Variants in HLTF observed in about 807,000 individuals in gnomAD.
HLTF encodes DNA-dependent ATPase/E3 ubiquitin-protein ligase HLTF.
HLTF carries 127 observed loss-of-function variants against 129.4 expected under a neutral mutation model. The ratio of observed to expected loss-of-function variants is 0.98; its 90% confidence interval spans 0.85 to 1.14. The LOEUF is 1.14. Among genes scored for constraint, HLTF ranks in the 50% most tolerant of loss-of-function variants. The pLI, the probability that HLTF is intolerant of heterozygous loss-of-function variation, is 0.00. For synonymous variants in HLTF, 332 were observed against 388.8 expected (o/e 0.85, Z 1.72); for missense variants, 1,139 against 1,187.1 (o/e 0.96, Z 0.60).
At chr3:149,041,081 C>T (rs1716095253) in intron 20 of HLTF, among the ~76,000 whole-genome samples, 2 of 152,050 alleles carry the variant, frequency 1.3e-5, no homozygotes, top group African/African-American at 4.8e-5. Flanking sequence ...GTATACACCA[C>T]CACCAAATTC....
At chr3:149,057,654 A>C (rs1166375080) in intron 13 of HLTF, among the ~76,000 whole-genome samples, 1 of 152,198 alleles carries the variant, frequency 6.6e-6, no homozygotes, top group African/African-American at 2.4e-5. Context: ...TCTGTCTCTC[A>C]AAATACCTTA....
At chr3:149,079,373 T>TAAAAAAAAAAAAAAAAAAAAAAAAAA (rs71135659) in intron 2 of HLTF, among the ~76,000 whole-genome samples, 2 of 57,230 alleles carry the variant, frequency 3.5e-5, no homozygotes, top group African/African-American at 1.3e-4. Context: ...CGACAGTTTC[T>TAAAAAAAAAAAAAAAAAAAAAAAAAA]AAAAAAAAAA....
chr3:149,049,970 C>A (rs750964533), intron 15 of HLTF, among the ~76,000 whole-genome samples: 2 of 146,008 alleles, frequency 1.4e-5, no homozygotes, highest in African/African-American at 2.5e-5. Flanking sequence ...CCAGCCTGGG[C>A]AACAAGAGCA....
In HLTF at chr3:149,073,214, G is replaced by T; in HGVS notation, c.627+11C>A. 6.5e-7 allele frequency: 1 copy of T among 1,543,566 alleles called. No homozygotes were observed. Among genetic ancestry groups the T allele is most frequent in the Non-Finnish European group, 8.8e-7 (1 of 1,139,612 alleles). On this transcript the variant is annotated intron_variant, in intron 5 of 24. Transcript: ENST00000310053. ...TTCACTTTTAGATTACAAAATAAAA[G>T]AGAAGCACACCTGTTCAGTTGTCAT...
At chr3:149,055,195 T>C in intron 14 of HLTF, 108 bp downstream of exon 14, 1 of 701,064 alleles carries the variant, frequency 1.4e-6, no homozygotes, top group Admixed American at 2.9e-5. Flanking sequence ...AGATACGAAC[T>C]GATGACCAAG....
chr3:149,085,421 G>A (rs562849717), intron 1 of HLTF, among the ~76,000 whole-genome samples: 14 of 152,270 alleles, frequency 9.2e-5, no homozygotes, highest in East Asian at 3.9e-4. Context: ...CCCGGGAGGC[G>A]TAGGTTGCAG....
chr3:149,069,748 T>C (rs553158794), intron 7 of HLTF, among the ~76,000 whole-genome samples: 1 of 152,318 alleles, frequency 6.6e-6, no homozygotes, highest in South Asian at 2.1e-4. Flanking sequence ...AAAGATACTT[T>C]CTAGAAAATG....
chr3:149,039,633 A>T lies in HLTF; in HGVS notation c.2563T>A (p.Leu855Met), dbSNP rs751394762. Residue 855 changes from leucine (L) to methionine (M), a missense_variant, in exon 22 of 25, where the codon TTG (leucine) becomes ATG (methionine). Leu to Met is a conservative substitution (Grantham distance 15). Transcript: ENST00000310053. ...LRKKNPNIKS[L>M]VVSQFTTFLS... is the part of the protein sequence containing the mutation. ...AATGTTGTAAACTGAGAAACAACCA[A>T]ACTTTTTATGTTGGGATTCTTCTTT... 1.9e-6 allele frequency: 3 copies of T among 1,608,264 alleles called. No homozygotes were observed. Among genetic ancestry groups the T allele is most frequent in the Non-Finnish European group, 2.5e-6 (3 of 1,177,248 alleles).
chr3:149,037,926 T>G (rs1180633990), intron 23 of HLTF, among the ~76,000 whole-genome samples: 1 of 152,168 alleles, frequency 6.6e-6, no homozygotes, highest in Non-Finnish European at 1.5e-5. Context: ...GCTTGGTGAG[T>G]AAAGTTCAAA....
At chr3:149,060,056 T>C (rs1346021068) in intron 12 of HLTF, among the ~76,000 whole-genome samples, 1 of 152,126 alleles carries the variant, frequency 6.6e-6, no homozygotes, top group Non-Finnish European at 1.5e-5. Flanking sequence ...GGAGCAGTCA[T>C]ATGCAAAGTA....
At chr3:149,086,115 A>C (rs898057723) in intron 1 of HLTF, among the ~76,000 whole-genome samples, 1 of 152,152 alleles carries the variant, frequency 6.6e-6, no homozygotes, top group Non-Finnish European at 1.5e-5. Flanking sequence ...CAAGTCCCTA[A>C]CACGGGACTC....
intron 24 of HLTF, among the ~76,000 whole-genome samples, chr3:149,032,810 A>G (rs926621234): frequency 6.6e-6 from 1 of 152,036 alleles, no homozygotes; most frequent in African/African-American, 2.4e-5. Context: ...AAAAATAGAA[A>G]AAGTTAGCCG....
Position 149,085,219 on chromosome 3 carries a change from G to A in HLTF, c.21-330C>T, listed in dbSNP as rs1317664886. ...GTAACTACAATTATGGGCCGGATGCGGTGGCTCACGCCTGGAATCCCAGCA... is the reference window on the plus strand; with the variant it reads ...GTAACTACAATTATGGGCCGGATGCAGTGGCTCACGCCTGGAATCCCAGCA... On this transcript the variant is annotated intron_variant, in intron 1 of 24. Coordinates refer to ENST00000310053, the MANE Select transcript of HLTF (RefSeq NM_003071.4). Among the ~76,000 whole-genome samples the A allele has an allele frequency of 2.0e-5, 3 of 152,194 alleles. No homozygotes were observed. In the East Asian group the frequency reaches 5.8e-4, roughly 29 times the overall value.
intron 24 of HLTF, among the ~76,000 whole-genome samples, chr3:149,034,404 T>TTA (rs1715391849): frequency 1.3e-5 from 2 of 152,098 alleles, no homozygotes; most frequent in South Asian, 4.1e-4. Context: ...GAAAGTAGAA[T>TTA]GGTAGTTGCC....
chr3:149,076,288 G>C (rs942742080), intron 2 of HLTF, among the ~76,000 whole-genome samples: 2 of 152,032 alleles, frequency 1.3e-5, no homozygotes, highest in Admixed American at 6.6e-5. Context: ...TTAAAAAATA[G>C]TCAAATGTAA....
intron 14 of HLTF, 106 bp from the exon 15 acceptor site, chr3:149,050,481 C>A (rs1180603273): frequency 4.8e-6 from 3 of 629,600 alleles, no homozygotes; most frequent in Non-Finnish European, 7.9e-6. Flanking sequence ...AATCCAACTA[C>A]TAAAATTGTA....
Position 149,046,062 on chromosome 3 carries a change from G to A in HLTF, c.2072+18C>T. 6.4e-7 allele frequency: 1 copy of A among 1,567,684 alleles called. No homozygotes were observed. Among genetic ancestry groups the A allele is most frequent in the Non-Finnish European group, 8.6e-7 (1 of 1,156,380 alleles). ...GTAAACAAAAACTAATTTTTAACAT[G>A]GTTTTCTTTCTCCATACCTTCCAAT... On this transcript the variant is annotated intron_variant, in intron 18 of 24. Transcript: ENST00000310053.
Position 149,032,210 on chromosome 3 carries a change from A to AT in HLTF, c.*9dup, listed in dbSNP as rs777281897. The AT allele has an allele frequency of 4.5e-6, 7 of 1,552,594 alleles. No homozygotes were observed. Among genetic ancestry groups the AT allele is most frequent in the Non-Finnish European group, 6.1e-6 (7 of 1,155,180 alleles). On this transcript the variant is annotated 3_prime_UTR_variant, in exon 25 of 25. Coordinates refer to ENST00000310053, the MANE Select transcript of HLTF (RefSeq NM_003071.4). ...ATCCAATCAAACTGACCTTACTAAA[A>AT]TCCCACAAATTATAAGTCAATTAAT...
chr3:149,056,742 T>G (rs913920813), intron 13 of HLTF, among the ~76,000 whole-genome samples: 2 of 152,216 alleles, frequency 1.3e-5, no homozygotes. Context: ...CAATATACAG[T>G]TGACCCTTAA....
Sources: gnomAD v4.1 joint callset for allele counts (sites outside exome capture counted in the v4.1 genomes callset) on GRCh38, gnomAD v4.1.1 for gene constraint, MANE v1.5 for transcripts, NCBI Gene and HGNC (gene_info 2026-07-23, HGNC 2026-07-21) for gene names.